The following CRYBG1 variants were observed in gnomAD, a reference collection of about 807,000 sequenced individuals.
The protein encoded by CRYBG1 is crystallin beta-gamma domain containing 1, also known as beta/gamma crystallin domain-containing protein 1.
A neutral mutation model predicts 189.2 loss-of-function variants in CRYBG1; 139 were observed. The ratio of observed to expected loss-of-function variants is 0.73; its 90% CI spans 0.64 to 0.85. The LOEUF (loss-of-function observed/expected upper bound fraction) is 0.85, where lower values mean the gene tolerates loss of function less well. CRYBG1 is among the 40% of genes least tolerant of loss of function. CRYBG1 has a pLI of 0.00. For synonymous variants in CRYBG1, 1,023 were observed against 1,017.1 expected (o/e 1.01, Z -0.11); for missense variants, 2,611 against 2,675.8 (o/e 0.98, Z 0.53).
At chr6:106,418,935 A>G (rs567420602) in intron 1 of CRYBG1, among the ~76,000 whole-genome samples, 2 of 152,358 alleles carry the variant, frequency 1.3e-5, no homozygotes, top group African/African-American at 2.4e-5. Flanking sequence ...TCTGATTTAC[A>G]TAGGGCCTAA....
At chr6:106,510,409 G>C (rs944864802) in intron 2 of CRYBG1, among the ~76,000 whole-genome samples, 1 of 152,172 alleles carries the variant, frequency 6.6e-6, no homozygotes, top group East Asian at 1.9e-4. Context: ...TTTGTTCTGC[G>C]CTCCCTCCCG....
At chr6:106,566,600 T>C (rs2114605204) in intron 21 of CRYBG1, among the ~76,000 whole-genome samples, 1 of 150,476 alleles carries the variant, frequency 6.6e-6, no homozygotes, top group African/African-American at 2.4e-5. Context: ...GCCTCCTGAG[T>C]AGCTGGGATT....
chr6:106,484,829 G>GA (rs36105988), intron 2 of CRYBG1, among the ~76,000 whole-genome samples: 10 of 149,554 alleles, frequency 6.7e-5, no homozygotes, highest in South Asian at 2.1e-4. Context: ...CTACAATATG[G>GA]AAAAAAAAAA....
At position 106,512,587 on chromosome 6, in the gene CRYBG1, C is replaced by T. The variant is rs757531584; in HGVS notation, c.1470C>T (p.Pro490=). Residue 490 remains proline, a synonymous_variant, in exon 3 of 22, where the codon CCC becomes CCT. Transcript: ENST00000633556. The part of the protein sequence containing the change: ...SAASPESKPS[P]GTKGQLRGES... ...CGAGCCCAGAGTCCAAGCCCAGCCC[C>T]GGTACCAAAGGGCAGCTCCGAGGGG... 11 of 1,605,574 alleles carry T rather than the reference C, an allele frequency of 6.9e-6. No individual in the cohort carries two copies. In the East Asian group the frequency reaches 1.3e-4, roughly 20 times the overall value.
chr6:106,561,574 T>C, intron 20 of CRYBG1, 74 bp downstream of exon 20: 1 of 1,506,158 alleles, frequency 6.6e-7, no homozygotes, highest in Non-Finnish European at 9.0e-7. Flanking sequence ...ATGCTTTTGA[T>C]CTTTTCTTCA....
At chr6:106,545,891 G>A (rs1774257502) in intron 13 of CRYBG1, among the ~76,000 whole-genome samples, 1 of 152,126 alleles carries the variant, frequency 6.6e-6, no homozygotes, top group African/African-American at 2.4e-5. Flanking sequence ...TGTTGCCCAG[G>A]CTGGTCTCAA....
rs9486328 is a variant in CRYBG1 at position 106,378,333 on chromosome 6, C to T, written c.173+17252C>T. ...CCAAAATTCTGTTCTGAAGCTGGTA[C>T]GGGGCATTCCCATTCATTTCCCTGT... On this transcript the variant is annotated intron_variant, in intron 1 of 21. Transcript: ENST00000633556. Among the ~76,000 whole-genome samples the T allele has an allele frequency of 9.7e-3, 1,484 of 152,282 alleles. 21 individuals carry two copies. The highest frequency in any genetic ancestry group is 0.034 in the African/African-American group (1,411 of 41,552).
At position 106,557,928 on chromosome 6, in the gene CRYBG1, G is replaced by GT. The variant is rs1310140286; in HGVS notation, c.5716-550dup. 4.0e-5 allele frequency among the ~76,000 whole-genome samples: 6 copies of GT among 151,646 alleles called. No individual in the cohort carries two copies. The South Asian group carries it at 6.2e-4, about 16-fold the overall frequency. Reference sequence around the variant, plus strand: ...TTGAACATAGAGCTTCCATCCTGTTGTTTTTTTTCTCTCCTCTTGACAATG... The same window carrying GT: ...TTGAACATAGAGCTTCCATCCTGTTGTTTTTTTTTCTCTCCTCTTGACAATG... On this transcript the variant is annotated intron_variant, in intron 17 of 21. Coordinates refer to ENST00000633556, the MANE Select transcript of CRYBG1 (RefSeq NM_001371242.2).
chr6:106,519,413 A>G lies in CRYBG1; in HGVS notation c.2205A>G (p.Pro735=), dbSNP rs752759015. The G allele has an allele frequency of 4.3e-6, 7 of 1,614,126 alleles. No individual in the cohort carries two copies. The East Asian group carries it at 8.9e-5, about 21-fold the overall frequency. ...EMEQPEKKVM[P]NSPQNGVLVK... is the part of the protein sequence containing the mutation. ...AGCAACCTGAAAAGAAAGTAATGCCAAACAGTCCCCAGAATGGTGTGCTGG... is the reference window on the plus strand; with the variant it reads ...AGCAACCTGAAAAGAAAGTAATGCCGAACAGTCCCCAGAATGGTGTGCTGG... The change falls in exon 4 of 22, where the codon CCA becomes CCG. Residue 735 remains proline (P), a synonymous_variant. Transcript: ENST00000633556.
At chr6:106,565,610 C>T (rs1428757612) in intron 21 of CRYBG1, among the ~76,000 whole-genome samples, 1 of 152,140 alleles carries the variant, frequency 6.6e-6, no homozygotes, top group African/African-American at 2.4e-5. Context: ...ACAAACTAAG[C>T]ACTGCAACTA....
At chr6:106,485,735 TG>T (rs1772581563) in intron 2 of CRYBG1, among the ~76,000 whole-genome samples, 1 of 152,198 alleles carries the variant, frequency 6.6e-6, no homozygotes, top group East Asian at 1.9e-4. Context: ...TCTCTTGAAA[TG>T]GTTTTTGTCT....
intron 1 of CRYBG1, among the ~76,000 whole-genome samples, chr6:106,408,126 G>A (rs917081668): frequency 2.0e-5 from 3 of 152,078 alleles, no homozygotes; most frequent in African/African-American, 7.2e-5. Context: ...TAGACTGCTA[G>A]CCAGACTAAT....
chr6:106,515,913 C>T (rs1239386629), intron 3 of CRYBG1, among the ~76,000 whole-genome samples: 1 of 151,560 alleles, frequency 6.6e-6, no homozygotes, highest in Non-Finnish European at 1.5e-5. Flanking sequence ...CCCACCTCAG[C>T]CTCCCTAGTA....
chr6:106,464,624 G>T (rs1044410694), intron 2 of CRYBG1, among the ~76,000 whole-genome samples: 1 of 152,084 alleles, frequency 6.6e-6, no homozygotes, highest in Non-Finnish European at 1.5e-5. Flanking sequence ...TAGAAAATGA[G>T]AGAATTAGGG....
intron 1 of CRYBG1, among the ~76,000 whole-genome samples, chr6:106,364,355 G>T (rs1222763792): frequency 1.3e-5 from 2 of 151,788 alleles, no homozygotes; most frequent in East Asian, 3.9e-4. Context: ...AGAAAGAAAA[G>T]CTTGCCAGTC....
rs1425288099 is a variant in CRYBG1, at chr6:106,519,843, C to A, written c.2635C>A (p.Pro879Thr). The A allele has an allele frequency of 6.2e-7, 1 of 1,614,194 alleles. No individual in the cohort carries two copies. Among genetic ancestry groups the A allele is most frequent in the South Asian group, 1.1e-5 (1 of 91,088 alleles). ...SPGPSLSLSA[P>T]APGDVPKDTC... ...TGGGCCTTCTCTTTCACTGTCTGCA[C>A]CCGCTCCTGGGGATGTTCCCAAAGA... is the stretch of plus-strand genomic sequence containing the variant. The change falls in exon 4 of 22, where the codon CCC becomes ACC. Residue 879 changes from proline (P) to threonine (T), a missense_variant. Physicochemically the swap from Pro to Thr is conservative, Grantham distance 38. This residue lies in a region of CRYBG1 where 1,622 missense variants were observed against 1,735.0 expected (regional missense o/e 0.93). Coordinates refer to ENST00000633556, the MANE Select transcript of CRYBG1 (RefSeq NM_001371242.2).
At position 106,512,876 on chromosome 6, in the gene CRYBG1, A is replaced by G; in HGVS notation, c.1759A>G (p.Lys587Glu). The change falls in exon 3 of 22, where the codon AAG (lysine) becomes GAG (glutamate). Residue 587 changes from lysine (K) to glutamate (E), a missense_variant. Coordinates refer to ENST00000633556, the MANE Select transcript of CRYBG1 (RefSeq NM_001371242.2). ...SLLPEIKPEH[K>E]RGPLPNHFNG... ...GCTGCCGGAGATCAAGCCCGAGCAC[A>G]AGAGGGGCCCGCTCCCCAACCACTT... 1 of 1,595,610 alleles carries G rather than the reference A, an allele frequency of 6.3e-7. No individual in the cohort carries two copies. Among genetic ancestry groups the G allele is most frequent in the Non-Finnish European group, 8.5e-7 (1 of 1,171,412 alleles).
In CRYBG1 at chr6:106,403,674, G is replaced by A. The variant is rs149022303; in HGVS notation, c.173+42593G>A. Among the ~76,000 whole-genome samples, 653 of 152,252 alleles carry A rather than the reference G, an allele frequency of 4.3e-3. 8 individuals carry two copies. Among genetic ancestry groups the A allele is most frequent in the South Asian group, 0.016 (79 of 4,822 alleles). ...TGAACAATGGGTAGCCTTACTAAGC[G>A]TGATGTGCTCCATTATTTTCTGTCC... On this transcript the variant is annotated intron_variant, in intron 1 of 21. Coordinates refer to ENST00000633556, the MANE Select transcript of CRYBG1 (RefSeq NM_001371242.2).
At chr6:106,539,269 G>A in intron 8 of CRYBG1, 134 bp from the exon 9 acceptor site, 1 of 985,196 alleles carries the variant, frequency 1.0e-6, no homozygotes, top group Non-Finnish European at 1.5e-6. Flanking sequence ...TCTAACACCT[G>A]AGTCCAACCA....
Sources: gnomAD v4.1 joint callset for allele counts (sites outside exome capture counted in the v4.1 genomes callset) on GRCh38, gnomAD v4.1.1 for gene constraint, gnomAD v4.1.1 regional missense constraint, MANE v1.5 for transcripts, NCBI Gene and HGNC (gene_info 2026-07-23, HGNC 2026-07-21) for gene names.